Variants in ZBP1 observed in about 807,000 individuals in gnomAD.
The protein encoded by ZBP1 is Z-DNA-binding protein 1.
Under a neutral mutation model 41.1 loss-of-function variants are expected in ZBP1, and 42 were observed. That is an observed-to-expected ratio of 1.02 (90% CI 0.80 to 1.32). The LOEUF (loss-of-function observed/expected upper bound fraction) is 1.32, where lower values mean the gene tolerates loss of function less well. ZBP1 is among the 40% of genes most tolerant of loss of function. The probability of loss-of-function intolerance (pLI) is 0.00; values close to 1 mark genes in which losing one functional copy is unlikely to be tolerated. For missense variants in ZBP1, 562 were observed against 549.7 expected, an observed-to-expected ratio of 1.02 and a Z score of -0.22; for synonymous variants, 214 against 205.2, an observed-to-expected ratio of 1.04 and a Z score of -0.37.
rs757490449 is a variant in ZBP1, at chr20:57,616,446, C to T, written c.57G>A (p.Leu19=). The T allele has an allele frequency of 6.2e-7, 1 of 1,613,770 alleles. No homozygotes were observed. Among genetic ancestry groups the T allele is most frequent in the South Asian group, 1.1e-5 (1 of 91,070 alleles). Residue 19 remains leucine (L), a synonymous_variant, in exon 2 of 8, where the codon CTG becomes CTA. Transcript: ENST00000371173. ...GREGHLEQRI[L]QVLTEAGSPV... The stretch of plus-strand genomic sequence containing the variant: ...GGGAGCCAGCCTCTGTCAGCACCTG[C>T]AGGATTCTTTGTTCAAGGTGGCCTG...
intron 6 of ZBP1, 76 bp downstream of exon 6, chr20:57,611,651 A>G: frequency 6.9e-7 from 1 of 1,448,500 alleles, no homozygotes; most frequent in Non-Finnish European, 9.3e-7. Context: ...CTTCCCAAAA[A>G]GATTCTGGCT....
At position 57,613,665 on chromosome 20, in the gene ZBP1, C is replaced by T. The variant is rs6025666; in HGVS notation, c.503-335G>A. Among the ~76,000 whole-genome samples the T allele has an allele frequency of 2.6e-5, 4 of 152,258 alleles. No individual in the cohort carries two copies. The highest frequency in any genetic ancestry group is 5.9e-5 in the Non-Finnish European group (4 of 68,044). On this transcript the variant is annotated intron_variant, in intron 4 of 7. Coordinates refer to ENST00000371173, the MANE Select transcript of ZBP1 (RefSeq NM_030776.3). The surrounding 1 kb of genome is among the most constrained non-coding windows in gnomAD (Gnocchi z 4.5). The stretch of plus-strand genomic sequence containing the variant: ...AGCCACAGCCCGGACCCCCGAGCAC[C>T]TGCACCATTGCCCTTTTCCCTTGAG...
Position 57,616,664 on chromosome 20 carries a change from G to C in ZBP1, c.35-196C>G, listed in dbSNP as rs975005830. 34 of 609,250 alleles carry C rather than the reference G, an allele frequency of 5.6e-5. 1 individual carries two copies. The East Asian group carries it at 9.6e-4, about 17-fold the overall frequency. The allele number at this position is 609,250 out of a possible 1,614,324, so 37.7% of individuals were successfully genotyped here. On this transcript the variant is annotated intron_variant, in intron 1 of 7. Transcript: ENST00000371173. ...CATCTGCCCAGAGGGAGGCATGCAG[G>C]CTGATCAGAAACGGCCTTGGCTGCG... is the stretch of plus-strand genomic sequence containing the variant.
chr20:57,616,202 C>T (rs371154454), intron 2 of ZBP1, 42 bp downstream of exon 2: 113 of 1,584,210 alleles, frequency 7.1e-5, no homozygotes, highest in Non-Finnish European at 9.0e-5. Context: ...TGCCAGGATG[C>T]TCCCTGCAGG....
At position 57,604,296 on chromosome 20, in the gene ZBP1, G is replaced by GAAAGA; in HGVS notation, c.*276_*277insTCTTT. On this transcript the variant is annotated 3_prime_UTR_variant, in exon 8 of 8. Transcript: ENST00000371173. ...AGGAAAGAGTGGAGAGAGTCCCCTGGGCCTGGGGGACCGAGCCCCACTCCC... is the reference window on the plus strand; with the variant it reads ...AGGAAAGAGTGGAGAGAGTCCCCTGGAAAGAGCCTGGGGGACCGAGCCCCACTCCC... 1.7e-6 allele frequency: 1 copy of GAAAGA among 597,510 alleles called. No homozygotes were observed. Among genetic ancestry groups the GAAAGA allele is most frequent in the Non-Finnish European group, 3.1e-6 (1 of 318,476 alleles). The allele number at this position is 597,510 out of a possible 1,614,324, so 37.0% of individuals were successfully genotyped here. A position where few individuals can be genotyped will look rare whatever the true frequency, so the allele number is the denominator to read the frequency against.
Position 57,613,166 on chromosome 20 carries a change from C to T in ZBP1, c.667G>A (p.Asp223Asn), listed in dbSNP as rs140878252. 18 of 1,614,062 alleles carry T rather than the reference C, an allele frequency of 1.1e-5. No individual in the cohort carries two copies. The highest frequency in any genetic ancestry group is 1.3e-5 in the Non-Finnish European group (15 of 1,180,034). Residue 223 changes from aspartate to asparagine, a missense_variant, in exon 5 of 8, where the codon GAC (aspartate) becomes AAC (asparagine). Physicochemically the swap from Asp to Asn is conservative, Grantham distance 23. Transcript: ENST00000371173. This position sits in a 1 kb window ranked among gnomAD's most constrained non-coding sequence, Gnocchi z 4.5. The part of the protein sequence containing the change: ...IITRQTVSRE[D>N]GSAGPRHLPS... ...TGGGCTCTCTTGGGTGACTTACCGT[C>T]CTCCCTGGAGACTGTCTGTCTTGTA...
At position 57,611,827 on chromosome 20, in the gene ZBP1, C is replaced by T. The variant is rs770120306; in HGVS notation, c.774G>A (p.Gln258=). 11 of 1,608,936 alleles carry T rather than the reference C, an allele frequency of 6.8e-6. No individual in the cohort carries two copies. The highest frequency in any genetic ancestry group is 5.1e-6 in the Non-Finnish European group (6 of 1,177,944). ...CCAGCTGCACCCGTCTCAGTATGGA[C>T]TGCTCCATGTGGATGTCCTGGGGCC... The part of the protein sequence containing the change: ...PWGPQDIHME[Q]SILRRVQLGH... Residue 258 remains glutamine, a synonymous_variant, in exon 6 of 8, where the codon CAG becomes CAA. Transcript: ENST00000371173.
chr20:57,606,948 A>T, intron 7 of ZBP1: 1 of 1,174,556 alleles, frequency 8.5e-7, no homozygotes. Flanking sequence ...GCACCTGTTC[A>T]TCCACGGGCT....
intron 7 of ZBP1, among the ~76,000 whole-genome samples, chr20:57,607,819 A>G (rs1267078031): frequency 6.6e-6 from 1 of 152,252 alleles, no homozygotes; most frequent in Non-Finnish European, 1.5e-5. Flanking sequence ...TTAGCAATAA[A>G]GTATTTTAAA....
chr20:57,615,706 A>G lies in ZBP1; in HGVS notation c.260-126T>C. ...CGGTAGTTGCAAACTCAGACTCCAG[A>G]GTTCAACACACTTGACTTCAAATCC... On this transcript the variant is annotated intron_variant, in intron 2 of 7. Coordinates refer to ENST00000371173, the MANE Select transcript of ZBP1 (RefSeq NM_030776.3). The G allele has an allele frequency of 6.8e-6, 5 of 732,126 alleles. No individual in the cohort carries two copies. In the South Asian group the frequency reaches 7.7e-5, roughly 11 times the overall value. 45.4% of individuals were successfully genotyped at this position (732,126 alleles called of 1,614,324 possible).
intron 7 of ZBP1, among the ~76,000 whole-genome samples, chr20:57,605,268 A>G (rs2070467030): frequency 6.6e-6 from 1 of 152,130 alleles, no homozygotes; most frequent in African/African-American, 2.4e-5. Context: ...CTTCATAGAT[A>G]TTGCACTCAT....
chr20:57,609,758 G>T (rs2070599512), intron 7 of ZBP1, among the ~76,000 whole-genome samples: 1 of 151,928 alleles, frequency 6.6e-6, no homozygotes, highest in South Asian at 2.1e-4. Context: ...ACCTCTCTCG[G>T]GCCCAAAACA....
rs560384903 is a variant in ZBP1 at position 57,611,503 on chromosome 20, C to T, written c.874+224G>A. 3.2e-3 allele frequency among the ~76,000 whole-genome samples: 461 copies of T among 143,712 alleles called. 3 individuals are homozygous for T. The highest frequency in any genetic ancestry group is 0.011 in the African/African-American group (441 of 38,616). 94.3% of individuals were successfully genotyped at this position (143,712 alleles called of 152,430 possible). A position where few individuals can be genotyped will look rare whatever the true frequency, so the allele number is the denominator to read the frequency against. Reference sequence around the variant, plus strand: ...AACTCCTGACCTCAGGTGATCCACCCGCTTTGGCTTCCCAAAGTGCTACGA... The same window carrying T: ...AACTCCTGACCTCAGGTGATCCACCTGCTTTGGCTTCCCAAAGTGCTACGA... On this transcript the variant is annotated intron_variant, in intron 6 of 7. Coordinates refer to ENST00000371173, the MANE Select transcript of ZBP1 (RefSeq NM_030776.3).
rs2070774456 is a variant in ZBP1 at position 57,614,874 on chromosome 20, G to A, written c.502+13C>T. ...TCCCTCTGCAGCCCAGACACAGGCA[G>A]CCGGGGGCCTACCTGGGCGGTAAAT... On this transcript the variant is annotated intron_variant, in intron 4 of 7. Coordinates refer to ENST00000371173, the MANE Select transcript of ZBP1 (RefSeq NM_030776.3). The A allele has an allele frequency of 2.5e-6, 4 of 1,613,854 alleles. No individual in the cohort carries two copies. The African/African-American group carries it at 5.3e-5, about 22-fold the overall frequency.
chr20:57,610,360 G>A lies in ZBP1; in HGVS notation c.882C>T (p.Ala294=). 1 of 1,614,168 alleles carries A rather than the reference G, an allele frequency of 6.2e-7. No individual in the cohort carries two copies. The highest frequency in any genetic ancestry group is 8.5e-7 in the Non-Finnish European group (1 of 1,180,012). ...HIPPGSPPVS[A]TAAGPEASFE... ...ACGAAGCTTCTGGGCCGGCAGCAGT[G>A]GCAGAGACTGTGGGTCAAAGGGAGA... The change falls in exon 7 of 8, where the codon GCC becomes GCT. Residue 294 remains alanine, a synonymous_variant. Coordinates refer to ENST00000371173, the MANE Select transcript of ZBP1 (RefSeq NM_030776.3). This position sits in a 1 kb window ranked among gnomAD's most constrained non-coding sequence, Gnocchi z 5.5.
intron 7 of ZBP1, among the ~76,000 whole-genome samples, chr20:57,609,804 T>C (rs1006218377): frequency 4.6e-5 from 7 of 151,968 alleles, no homozygotes; most frequent in Non-Finnish European, 7.4e-5. Flanking sequence ...AACACTCCTA[T>C]CTCCTGAATG....
chr20:57,612,967 G>A (rs866560422), intron 5 of ZBP1, 196 bp downstream of exon 5: 1 of 1,434,204 alleles, frequency 7.0e-7, no homozygotes, highest in Non-Finnish European at 9.1e-7. Context: ...AGAGTACAGG[G>A]AAATCAGGAG....
Position 57,604,561 on chromosome 20 carries a change from T to C in ZBP1, c.*12A>G. 1 of 1,611,152 alleles carries C rather than the reference T, an allele frequency of 6.2e-7. No homozygotes were observed. The highest frequency in any genetic ancestry group is 8.5e-7 in the Non-Finnish European group (1 of 1,178,118). Reference sequence around the variant, plus strand: ...CCCCAGCCTGTGTCCAAGCCCCACGTGAGGCTGTGCACTAAATCCCACCTC... The same window carrying C: ...CCCCAGCCTGTGTCCAAGCCCCACGCGAGGCTGTGCACTAAATCCCACCTC... On this transcript the variant is annotated 3_prime_UTR_variant, in exon 8 of 8. Coordinates refer to ENST00000371173, the MANE Select transcript of ZBP1 (RefSeq NM_030776.3).
At position 57,611,831 on chromosome 20, in the gene ZBP1, T is replaced by A; in HGVS notation, c.770A>T (p.Glu257Val). ...DPWGPQDIHM[E>V]QSILRRVQLG... ...CTGCACCCGTCTCAGTATGGACTGC[T>A]CCATGTGGATGTCCTGGGGCCCCCA... The change falls in exon 6 of 8, where the codon GAG becomes GTG. Residue 257 changes from glutamate (E) to valine (V), a missense_variant. Coordinates refer to ENST00000371173, the MANE Select transcript of ZBP1 (RefSeq NM_030776.3). 6.2e-7 allele frequency: 1 copy of A among 1,605,864 alleles called. No homozygotes were observed.
Sources: gnomAD v4.1 joint callset for allele counts (sites outside exome capture counted in the v4.1 genomes callset) on GRCh38, gnomAD v4.1.1 for gene constraint, Gnocchi (gnomAD v3.1) non-coding constraint, MANE v1.5 for transcripts, NCBI Gene and HGNC (gene_info 2026-07-23, HGNC 2026-07-21) for gene names.